The following SLC6A3 variants were observed in gnomAD, a reference collection of about 807,000 sequenced individuals.
SLC6A3 encodes solute carrier family 6 member 3, also known as sodium-dependent dopamine transporter.
In SLC6A3, 19 loss-of-function variants were observed where a neutral mutation model predicts 70.4. The ratio of observed to expected loss-of-function variants is 0.27; its 90% CI spans 0.19 to 0.40. The LOEUF is 0.40. Ranked by LOEUF, SLC6A3 falls within the 10% of genes least tolerant of loss-of-function variation. The pLI, the probability that SLC6A3 is intolerant of heterozygous loss-of-function variation, is 1.00. For missense variants in SLC6A3, 613 were observed against 838.5 expected (o/e 0.73, Z 3.32); for synonymous variants, 368 against 356.6 (o/e 1.03, Z -0.36).
rs565221340 is a variant in SLC6A3 at position 1,431,019 on chromosome 5, C to T, written c.653+1445G>A. ...GGCAAGCGAGCCCCCCAAACAGGAG[C>T]GCCCTGGCTGACGGGAAACACTGGA... On this transcript the variant is annotated intron_variant, in intron 4 of 14. Transcript: ENST00000270349. Among the ~76,000 whole-genome samples the T allele has an allele frequency of 3.9e-5, 6 of 152,360 alleles. No individual in the cohort carries two copies. In the East Asian group the frequency reaches 1.2e-3, roughly 29 times the overall value.
At chr5:1,422,479 G>A (rs865975287) in intron 4 of SLC6A3, among the ~76,000 whole-genome samples, 110 of 129,944 alleles carry the variant, frequency 8.5e-4, no homozygotes, top group African/African-American at 2.9e-3. Context: ...GGTGCCCACC[G>A]CTGCCCACAG....
At chr5:1,439,543 C>T (rs1756923632) in intron 3 of SLC6A3, among the ~76,000 whole-genome samples, 1 of 152,218 alleles carries the variant, frequency 6.6e-6, no homozygotes, top group Non-Finnish European at 1.5e-5. Context: ...GGAGCCTGAC[C>T]TCAGCAGCTG....
chr5:1,418,853 A>G (rs1756368670), intron 6 of SLC6A3, among the ~76,000 whole-genome samples: 1 of 142,326 alleles, frequency 7.0e-6, no homozygotes, highest in Admixed American at 7.0e-5. Context: ...CCCGTCATCC[A>G]TCCATTATCC....
At position 1,411,773 on chromosome 5, in the gene SLC6A3, C is replaced by T. The variant is rs1479561002; in HGVS notation, c.1157-418G>A. Among the ~76,000 whole-genome samples, 4 of 151,864 alleles carry T rather than the reference C, an allele frequency of 2.6e-5. No individual in the cohort carries two copies. The East Asian group carries it at 5.8e-4, about 22-fold the overall frequency. Reference sequence around the variant, plus strand: ...CATGCAACATACACACTCAGACACACATACCATGCAACATACACACTCAGA... The same window carrying T: ...CATGCAACATACACACTCAGACACATATACCATGCAACATACACACTCAGA... On this transcript the variant is annotated intron_variant, in intron 8 of 14. Transcript: ENST00000270349. This position sits in a 1 kb window ranked among gnomAD's most constrained non-coding sequence, Gnocchi z 6.5.
chr5:1,407,963 A>G (rs1756023800), intron 11 of SLC6A3, among the ~76,000 whole-genome samples: 2 of 151,760 alleles, frequency 1.3e-5, no homozygotes, highest in African/African-American at 4.8e-5. Context: ...GGGCTCACGC[A>G]GCACCACAGA....
intron 7 of SLC6A3, among the ~76,000 whole-genome samples, chr5:1,415,646 C>T (rs985583020): frequency 2.9e-4 from 44 of 152,088 alleles, no homozygotes; most frequent in African/African-American, 1.0e-3. Context: ...ATTTGGGGTC[C>T]GGCACGGGGC....
rs1272687248 is a variant in SLC6A3 at position 1,436,798 on chromosome 5, C to A, written c.419-4100G>T. Reference sequence around the variant, plus strand: ...TGCTTCGCCCACCAGAGCACGGCCACCCTGCCCCACCCCTGAACACCAGTA... The same window carrying A: ...TGCTTCGCCCACCAGAGCACGGCCAACCTGCCCCACCCCTGAACACCAGTA... On this transcript the variant is annotated intron_variant, in intron 3 of 14. Transcript: ENST00000270349. This position sits in a 1 kb window ranked among gnomAD's most constrained non-coding sequence, Gnocchi z 5.2. Among the ~76,000 whole-genome samples the A allele has an allele frequency of 6.6e-6, 1 of 152,180 alleles. No individual in the cohort carries two copies. Among genetic ancestry groups the A allele is most frequent in the East Asian group, 1.9e-4 (1 of 5,190 alleles).
intron 6 of SLC6A3, among the ~76,000 whole-genome samples, chr5:1,418,622 CCAT>C (rs1345466287): frequency 6.6e-6 from 1 of 151,402 alleles, no homozygotes; most frequent in Non-Finnish European, 1.5e-5. Context: ...ATCCACCCAT[CCAT>C]CATCGATCCA....
In SLC6A3 at chr5:1,419,957, G is replaced by C. The variant is rs538691737; in HGVS notation, c.927+612C>G. Among the ~76,000 whole-genome samples, 12 of 152,188 alleles carry C rather than the reference G, an allele frequency of 7.9e-5. No homozygotes were observed. The South Asian group carries it at 2.3e-3, about 29-fold the overall frequency. On this transcript the variant is annotated intron_variant, in intron 6 of 14. Coordinates refer to ENST00000270349, the MANE Select transcript of SLC6A3 (RefSeq NM_001044.5). Reference sequence around the variant, plus strand: ...CCACTTCTGCCTTGGGTTTACACTTGCCTCATGACCCCCAGACCTGGCTCC... The same window carrying C: ...CCACTTCTGCCTTGGGTTTACACTTCCCTCATGACCCCCAGACCTGGCTCC...
chr5:1,442,111 C>T lies in SLC6A3; in HGVS notation c.287-621G>A, dbSNP rs1733689023. Among the ~76,000 whole-genome samples the T allele has an allele frequency of 6.6e-6, 1 of 152,138 alleles. No individual in the cohort carries two copies. The highest frequency in any genetic ancestry group is 2.4e-5 in the African/African-American group (1 of 41,436). ...CCTAAATTCCCTCTGCTCCCCTGGT[C>T]TGACTGGAGTGAGGGAGAGCTTTGC... On this transcript the variant is annotated intron_variant, in intron 2 of 14. Transcript: ENST00000270349. The surrounding 1 kb of genome is among the most constrained non-coding windows in gnomAD (Gnocchi z 5.0).
rs1553985998 is a variant in SLC6A3, at chr5:1,411,264, G to A, written c.1248C>T (p.Leu416=). The A allele has an allele frequency of 6.4e-7, 1 of 1,552,044 alleles. No homozygotes were observed. The highest frequency in any genetic ancestry group is 8.7e-7 in the Non-Finnish European group (1 of 1,147,302). ...TCACGGCGCTGTCGATACCCAGGGTGAGCAGCATGATGAAGAAGACCACGG... is the reference window on the plus strand; with the variant it reads ...TCACGGCGCTGTCGATACCCAGGGTAAGCAGCATGATGAAGAAGACCACGG... The part of the protein sequence containing the change: ...AWAVVFFIML[L]TLGIDSAMGG... The change falls in exon 9 of 15, where the codon CTC becomes CTT. Residue 416 remains leucine (L), a synonymous_variant. Coordinates refer to ENST00000270349, the MANE Select transcript of SLC6A3 (RefSeq NM_001044.5). This position sits in a 1 kb window ranked among gnomAD's most constrained non-coding sequence, Gnocchi z 6.5.
In SLC6A3 at chr5:1,405,284, C is replaced by A. The variant is rs1356840578; in HGVS notation, c.1599+904G>T. 6.6e-6 allele frequency among the ~76,000 whole-genome samples: 1 copy of A among 152,174 alleles called. No homozygotes were observed. The highest frequency in any genetic ancestry group is 2.4e-5 in the African/African-American group (1 of 41,440). ...CCTGTCTCTCATCTCTTTCCTGTAC[C>A]CCGGAACCCCTCTGCTGGCAACTAC... On this transcript the variant is annotated intron_variant, in intron 12 of 14. Coordinates refer to ENST00000270349, the MANE Select transcript of SLC6A3 (RefSeq NM_001044.5). The surrounding 1 kb of genome is among the most constrained non-coding windows in gnomAD (Gnocchi z 5.3).
Position 1,421,070 on chromosome 5 carries a change from C to T in SLC6A3, c.793-367G>A, listed in dbSNP as rs947898664. Reference sequence around the variant, plus strand: ...TGGCACGATGAAGGGCTGCTCTGGGCTGTGTCCCTGCGGGAGGCTCCCGTG... The same window carrying T: ...TGGCACGATGAAGGGCTGCTCTGGGTTGTGTCCCTGCGGGAGGCTCCCGTG... On this transcript the variant is annotated intron_variant, in intron 5 of 14. Transcript: ENST00000270349. The surrounding 1 kb of genome is among the most constrained non-coding windows in gnomAD (Gnocchi z 7.2). Among the ~76,000 whole-genome samples, 1 of 151,838 alleles carries T rather than the reference C, an allele frequency of 6.6e-6. No homozygotes were observed. Among genetic ancestry groups the T allele is most frequent in the Non-Finnish European group, 1.5e-5 (1 of 68,032 alleles).
chr5:1,439,754 C>T (rs1418765775), intron 3 of SLC6A3, among the ~76,000 whole-genome samples: 1 of 152,184 alleles, frequency 6.6e-6, no homozygotes, highest in African/African-American at 2.4e-5. Context: ...CTGAGTGGTG[C>T]CTCTGAGTAA....
chr5:1,428,826 T>A (rs1011565491), intron 4 of SLC6A3, among the ~76,000 whole-genome samples: 1 of 152,198 alleles, frequency 6.6e-6, no homozygotes. Context: ...ATGGCCAGCG[T>A]CTCACCCAGG....
intron 6 of SLC6A3, among the ~76,000 whole-genome samples, chr5:1,418,258 C>T (rs1756352852): frequency 6.6e-6 from 1 of 152,100 alleles, no homozygotes; most frequent in South Asian, 2.1e-4. Context: ...CCCAGTGCCA[C>T]ACCAGAGCCA....
chr5:1,399,079 G>A (rs1165889371), intron 14 of SLC6A3, among the ~76,000 whole-genome samples: 1 of 152,162 alleles, frequency 6.6e-6, no homozygotes, highest in Admixed American at 6.5e-5. Flanking sequence ...AAGTTGATCA[G>A]GTATAAGGCC....
At chr5:1,400,830 C>CTACACCAGCCTT (rs1755831672) in intron 14 of SLC6A3, 85 bp downstream of exon 14, 2 of 950,748 alleles carry the variant, frequency 2.1e-6, no homozygotes, top group African/African-American at 5.9e-5. Context: ...ACACCAGCCT[C>CTACACCAGCCTT]GGAGCCCCCT....
intron 8 of SLC6A3, among the ~76,000 whole-genome samples, chr5:1,414,379 A>G (rs1386272420): frequency 7.5e-4 from 4 of 5,360 alleles, no homozygotes; most frequent in Non-Finnish European, 1.4e-3. Context: ...GAGAGGCACA[A>G]GGCAGGAAAG....
Sources: allele counts gnomAD v4.1 joint callset (sites outside exome capture counted in the v4.1 genomes callset), GRCh38; gene constraint gnomAD v4.1.1; non-coding constraint Gnocchi (gnomAD v3.1); transcripts MANE v1.5; gene names NCBI Gene and HGNC (gene_info 2026-07-23, HGNC 2026-07-21).